The following NFX1 variants were observed in gnomAD, a reference collection of about 807,000 sequenced individuals.
NFX1 encodes nuclear transcription factor, X-box binding 1, also known as transcriptional repressor NF-X1.
Under a neutral mutation model 137.2 loss-of-function variants are expected in NFX1, and 69 were observed. The observed-to-expected ratio is 0.50, with a 90% confidence interval of 0.41 to 0.61. The LOEUF (loss-of-function observed/expected upper bound fraction) is 0.61, where lower values mean the gene tolerates loss of function less well. Among genes scored for constraint, NFX1 ranks in the 20% least tolerant of loss-of-function variants. NFX1 has a pLI of 0.00. For synonymous variants in NFX1, 495 were observed against 474.1 expected, an observed-to-expected ratio of 1.04 and a Z score of -0.57; for missense variants, 1,167 against 1,391.0, an observed-to-expected ratio of 0.84 and a Z score of 2.56.
chr9:33,297,912 C>T (rs981704157), intron 2 of NFX1, among the ~76,000 whole-genome samples: 4 of 152,154 alleles, frequency 2.6e-5, no homozygotes, highest in African/African-American at 9.7e-5. Context: ...GTATGCATAC[C>T]AGGGAGGTGG....
chr9:33,357,280 C>T (rs191791284), intron 19 of NFX1, among the ~76,000 whole-genome samples: 11 of 151,736 alleles, frequency 7.2e-5, no homozygotes, highest in African/African-American at 1.5e-4. Flanking sequence ...CTAGCCTGGG[C>T]GACAGTGGGA....
intron 7 of NFX1, among the ~76,000 whole-genome samples, chr9:33,316,984 C>T (rs1822185474): frequency 6.6e-6 from 1 of 152,144 alleles, no homozygotes; most frequent in Non-Finnish European, 1.5e-5. Flanking sequence ...AAAGAAAAGC[C>T]TACTAGCAAA....
At chr9:33,342,231 G>C (rs1183562746) in intron 12 of NFX1, among the ~76,000 whole-genome samples, 1 of 152,126 alleles carries the variant, frequency 6.6e-6, no homozygotes, top group South Asian at 2.1e-4. Flanking sequence ...GGAGGCCAAG[G>C]TGGGCGGATC....
At position 33,367,601 on chromosome 9, in the gene NFX1, A is replaced by G. The variant is rs1210314177; in HGVS notation, c.3272A>G (p.His1091Arg). The change falls in exon 23 of 24, where the codon CAC becomes CGC. Residue 1091 changes from histidine (H) to arginine (R), a missense_variant. By Grantham distance (29) the His-to-Arg change is conservative. Around this residue, in one of 3 missense-constraint regions of NFX1, gnomAD observed 312 missense variants for 312.8 expected, o/e 1.00. Coordinates refer to ENST00000379540, the MANE Select transcript of NFX1 (RefSeq NM_002504.6). ...CGGCCTCCACCACCGATTCCTCATC[A>G]CAGACATCAGTCAGACAAGTAAGAT... ...QARPPPPIPH[H>R]RHQSDKNPGS... 1.9e-6 allele frequency: 3 copies of G among 1,613,834 alleles called. No homozygotes were observed. In the African/African-American group the frequency reaches 4.0e-5, roughly 22 times the overall value.
intron 1 of NFX1, among the ~76,000 whole-genome samples, chr9:33,292,345 A>G (rs988650067): frequency 2.0e-5 from 3 of 152,230 alleles, no homozygotes; most frequent in South Asian, 2.1e-4. Context: ...ACAGAAGCCC[A>G]GTGCAGAGGA....
Position 33,352,676 on chromosome 9 carries a change from A to C in NFX1, c.2686A>C (p.Lys896Gln). ...GCTACAGTGTGAATGTGGACGAAGA[A>C]AAGAGATGGTGATTTGCTCTGAAGC... ...VELQCECGRR[K>Q]EMVICSEASS... The change falls in exon 17 of 24, where the codon AAA becomes CAA. Residue 896 changes from lysine to glutamine, a missense_variant. By Grantham distance (53) the Lys-to-Gln change is moderately conservative (BLOSUM62 1). Coordinates refer to ENST00000379540, the MANE Select transcript of NFX1 (RefSeq NM_002504.6). The C allele has an allele frequency of 6.2e-7, 1 of 1,614,248 alleles. No individual in the cohort carries two copies. Among genetic ancestry groups the C allele is most frequent in the Non-Finnish European group, 8.5e-7 (1 of 1,180,026 alleles).
intron 9 of NFX1, 61 bp downstream of exon 9, chr9:33,319,188 GTGTT>G: frequency 7.0e-7 from 1 of 1,426,776 alleles, no homozygotes; most frequent in Non-Finnish European, 9.8e-7. Context: ...GCAGCAGTGA[GTGTT>G]TAAGCAATGT....
intron 20 of NFX1, among the ~76,000 whole-genome samples, chr9:33,364,310 G>T (rs945986169): frequency 5.3e-5 from 8 of 152,134 alleles, no homozygotes; most frequent in Non-Finnish European, 8.8e-5. Flanking sequence ...CTGAACTTGG[G>T]GTAGGGTTGA....
intron 16 of NFX1, 42 bp from the exon 17 acceptor site, chr9:33,352,604 T>A (rs1430228522): frequency 1.3e-6 from 2 of 1,532,824 alleles, no homozygotes; most frequent in African/African-American, 1.4e-5. Flanking sequence ...ATTCACATAG[T>A]TCCAGTGTGC....
At chr9:33,302,967 C>G (rs1821626965) in intron 3 of NFX1, among the ~76,000 whole-genome samples, 2 of 119,308 alleles carry the variant, frequency 1.7e-5, no homozygotes, top group Non-Finnish European at 3.6e-5. Context: ...CACACCTGGC[C>G]TTTTTTTTTT....
At chr9:33,354,813 G>A (rs1291408993) in intron 18 of NFX1, 38 bp from the exon 19 acceptor site, 1 of 1,593,494 alleles carries the variant, frequency 6.3e-7, no homozygotes, top group African/African-American at 1.3e-5. Context: ...TGTACAGTCT[G>A]TATTCTGACT....
intron 13 of NFX1, 30 bp from the exon 14 acceptor site, chr9:33,344,039 A>G: frequency 6.2e-7 from 1 of 1,613,294 alleles, no homozygotes; most frequent in Non-Finnish European, 8.5e-7. Flanking sequence ...CTCAGAAAGG[A>G]TTCTTTTGTT....
At chr9:33,331,768 T>C (rs1438310678) in intron 10 of NFX1, among the ~76,000 whole-genome samples, 1 of 151,704 alleles carries the variant, frequency 6.6e-6, no homozygotes, top group Non-Finnish European at 1.5e-5. Flanking sequence ...TCTGAGTACA[T>C]GGCAACCTGT....
Position 33,367,516 on chromosome 9 carries a change from G to A in NFX1, c.3187G>A (p.Gly1063Arg). Residue 1063 changes from glycine (G) to arginine (R), a missense_variant and splice_region_variant, in exon 23 of 24, where the codon GGG becomes AGG. Transcript: ENST00000379540. ...GCTTGGTGTTTTGACTTTTATCAGG[G>A]GGAAGTCCGTTTGTCCTCCTACCAC... ...KRNVVVTAIR[G>R]KSVCPPTTLT... is the part of the protein sequence containing the mutation. The A allele has an allele frequency of 6.2e-7, 1 of 1,613,600 alleles. No homozygotes were observed. The highest frequency in any genetic ancestry group is 8.5e-7 in the Non-Finnish European group (1 of 1,179,720).
At chr9:33,362,957 G>A (rs962068601) in intron 19 of NFX1, among the ~76,000 whole-genome samples, 2 of 151,874 alleles carry the variant, frequency 1.3e-5, no homozygotes, top group East Asian at 3.9e-4. Context: ...GCCCGCCTCG[G>A]CCTCCCAAAG....
intron 19 of NFX1, among the ~76,000 whole-genome samples, chr9:33,360,760 C>G (rs1248610125): frequency 6.6e-6 from 1 of 152,168 alleles, no homozygotes; most frequent in African/African-American, 2.4e-5. Context: ...TAGTGGCCAA[C>G]TAACCAAAAC....
At position 33,295,028 on chromosome 9, in the gene NFX1, G is replaced by A; in HGVS notation, c.634G>A (p.Gly212Arg). The change falls in exon 2 of 24, where the codon GGG becomes AGG. Residue 212 changes from glycine to arginine, a missense_variant. Physicochemically the swap from Gly to Arg is moderately radical, Grantham distance 125. This residue lies in a region of NFX1 where 367 missense variants were observed against 386.7 expected (regional missense o/e 0.95). Coordinates refer to ENST00000379540, the MANE Select transcript of NFX1 (RefSeq NM_002504.6). ...TGGACCCGAAAGTACCAAACCTGTG[G>A]GGGTTTTCCACCCTGACTCTTCAGA... The part of the protein sequence containing the change: ...DAGPESTKPV[G>R]VFHPDSSEAS... 6.2e-7 allele frequency: 1 copy of A among 1,614,118 alleles called. No homozygotes were observed. The highest frequency in any genetic ancestry group is 8.5e-7 in the Non-Finnish European group (1 of 1,180,028).
chr9:33,353,258 A>G (rs1352502226), intron 17 of NFX1, among the ~76,000 whole-genome samples: 1 of 152,164 alleles, frequency 6.6e-6, no homozygotes, highest in African/African-American at 2.4e-5. Context: ...TTGCTTTCAC[A>G]TCCTACCATT....
intron 19 of NFX1, among the ~76,000 whole-genome samples, chr9:33,357,413 C>A (rs1823848386): frequency 6.6e-6 from 1 of 152,090 alleles, no homozygotes; most frequent in Non-Finnish European, 1.5e-5. Flanking sequence ...AATTACTGTA[C>A]CTTTATAACA....
Sources: gnomAD v4.1 joint callset for allele counts (sites outside exome capture counted in the v4.1 genomes callset) on GRCh38, gnomAD v4.1.1 for gene constraint, gnomAD v4.1.1 regional missense constraint, MANE v1.5 for transcripts, NCBI Gene and HGNC (gene_info 2026-07-23, HGNC 2026-07-21) for gene names.